The following RHOBTB1 variants were observed in gnomAD, a reference collection of about 807,000 sequenced individuals.
RHOBTB1 encodes the protein rho-related BTB domain-containing protein 1.
Under a neutral mutation model 71.6 loss-of-function variants are expected in RHOBTB1, and 40 were observed. The observed-to-expected ratio is 0.56, with a 90% CI of 0.43 to 0.73. RHOBTB1 has a LOEUF of 0.73. Among genes scored for constraint, RHOBTB1 ranks in the 30% least tolerant of loss-of-function variants. The pLI, the probability that RHOBTB1 is intolerant of heterozygous loss-of-function variation, is 0.00. For synonymous variants in RHOBTB1, 319 were observed against 334.9 expected (o/e 0.95, Z 0.52); for missense variants, 797 against 894.0 (o/e 0.89, Z 1.38).
intron 2 of RHOBTB1, among the ~76,000 whole-genome samples, chr10:60,911,799 T>C (rs1371758966): frequency 2.6e-5 from 4 of 152,198 alleles, no homozygotes; most frequent in Non-Finnish European, 5.9e-5. Flanking sequence ...CGTTAACTGT[T>C]ATTTTCTCCT....
At chr10:60,925,833 T>A (rs895645860) in intron 2 of RHOBTB1, among the ~76,000 whole-genome samples, 8 of 152,144 alleles carry the variant, frequency 5.3e-5, no homozygotes, top group Admixed American at 4.6e-4. Flanking sequence ...TTCCTAGACA[T>A]ATACAGCCTA....
intron 2 of RHOBTB1, among the ~76,000 whole-genome samples, chr10:60,961,702 T>C (rs1343820567): frequency 6.6e-6 from 1 of 152,202 alleles, no homozygotes; most frequent in Admixed American, 6.5e-5. Flanking sequence ...CATTGCTGTA[T>C]ATATGAAAGT....
chr10:60,908,208 C>A (rs1163804430), intron 4 of RHOBTB1, among the ~76,000 whole-genome samples: 1 of 152,162 alleles, frequency 6.6e-6, no homozygotes, highest in East Asian at 1.9e-4. Context: ...CTTGTCCATG[C>A]CAAAGAATGT....
At chr10:60,923,988 T>C (rs994276498) in intron 2 of RHOBTB1, among the ~76,000 whole-genome samples, 4 of 152,062 alleles carry the variant, frequency 2.6e-5, no homozygotes, top group African/African-American at 9.7e-5. Flanking sequence ...CCTGAAGAAC[T>C]GAGGAGCGGA....
At chr10:60,904,596 G>A (rs1564889953) in intron 4 of RHOBTB1, among the ~76,000 whole-genome samples, 1 of 152,132 alleles carries the variant, frequency 6.6e-6, no homozygotes, top group Non-Finnish European at 1.5e-5. Flanking sequence ...CTTCCCTTCT[G>A]GCTGAGGTTT....
chr10:60,996,997 A>G (rs2087074995), intron 1 of RHOBTB1, among the ~76,000 whole-genome samples: 1 of 151,950 alleles, frequency 6.6e-6, no homozygotes, highest in Non-Finnish European at 1.5e-5. Flanking sequence ...TTGTGGTCCA[A>G]TAGAAACATT....
chr10:60,957,541 A>G (rs559611455), intron 2 of RHOBTB1, among the ~76,000 whole-genome samples: 2 of 152,288 alleles, frequency 1.3e-5, no homozygotes, highest in Admixed American at 6.5e-5. Context: ...TGCAGCCACC[A>G]CCAAGCCTTA....
In RHOBTB1 at chr10:60,886,228, C is replaced by T. The variant is rs777547474; in HGVS notation, c.1459G>A (p.Val487Met). ...ECLSKGTFSDVTFKLDDGAIS... is the reference protein window; with the variant it reads ...ECLSKGTFSDMTFKLDDGAIS... Reference sequence around the variant, plus strand: ...GCTCCATCGTCCAATTTAAATGTCACGTCTGCCAAGGGATTGAGGAAACAC... The same window carrying T: ...GCTCCATCGTCCAATTTAAATGTCATGTCTGCCAAGGGATTGAGGAAACAC... The change falls in exon 7 of 11, where the codon GTG becomes ATG. Residue 487 changes from valine (V) to methionine (M), a missense_variant and splice_region_variant. Transcript: ENST00000337910. 5.6e-6 allele frequency: 9 copies of T among 1,612,894 alleles called. No homozygotes were observed. The highest frequency in any genetic ancestry group is 1.6e-4 in the Middle Eastern group (1 of 6,078).
chr10:60,947,664 C>T (rs2085282535), upstream of RHOBTB1, among the ~76,000 whole-genome samples: 1 of 151,938 alleles, frequency 6.6e-6, no homozygotes, highest in African/African-American at 2.4e-5. Flanking sequence ...TAGTTCATTC[C>T]TTATTATTGC....
At chr10:60,965,407 C>T (rs555152830) in intron 2 of RHOBTB1, among the ~76,000 whole-genome samples, 164 of 152,040 alleles carry the variant, frequency 1.1e-3, no homozygotes, top group African/African-American at 3.9e-3. Flanking sequence ...GAAAAAAATG[C>T]TTTGGCAATT....
intron 2 of RHOBTB1, among the ~76,000 whole-genome samples, chr10:60,955,969 G>A (rs548280687): frequency 6.6e-6 from 1 of 152,050 alleles, no homozygotes; most frequent in Non-Finnish European, 1.5e-5. Context: ...ATCACAGTGG[G>A]CCTCATTTGT....
intron 2 of RHOBTB1, among the ~76,000 whole-genome samples, chr10:60,952,423 G>T (rs1420672398): frequency 1.3e-5 from 2 of 152,162 alleles, no homozygotes; most frequent in African/African-American, 4.8e-5. Context: ...TATGTGTTGG[G>T]CATGAAGCCA....
intron 2 of RHOBTB1, chr10:60,912,848 T>C (rs999453284): frequency 1.3e-5 from 2 of 152,212 alleles, no homozygotes; most frequent in African/African-American, 4.8e-5. Context: ...TAATTGTAAT[T>C]GCCTTTTTGA....
intron 2 of RHOBTB1, among the ~76,000 whole-genome samples, chr10:60,966,814 T>C (rs1004679414): frequency 6.6e-6 from 1 of 151,476 alleles, no homozygotes; most frequent in Non-Finnish European, 1.5e-5. Flanking sequence ...ATTAGGTACA[T>C]CTCCTAATGC....
At chr10:60,905,182 A>G (rs186761723) in intron 4 of RHOBTB1, among the ~76,000 whole-genome samples, 1 of 151,794 alleles carries the variant, frequency 6.6e-6, no homozygotes, top group East Asian at 1.9e-4. Context: ...TGGGCATGGT[A>G]GCTCATGCCT....
At chr10:60,950,235 T>C (rs771800287) in intron 2 of RHOBTB1, among the ~76,000 whole-genome samples, 10 of 152,216 alleles carry the variant, frequency 6.6e-5, no homozygotes, top group Non-Finnish European at 1.5e-4. Flanking sequence ...ATTTAATGTA[T>C]AATGTGTATC....
intron 2 of RHOBTB1, among the ~76,000 whole-genome samples, chr10:60,925,399 C>T (rs2083810021): frequency 1.3e-5 from 2 of 152,004 alleles, no homozygotes; most frequent in Non-Finnish European, 2.9e-5. Context: ...AATACAAACA[C>T]AACATTCCAA....
intron 4 of RHOBTB1, among the ~76,000 whole-genome samples, chr10:60,903,657 AACAGGCCCCTGGGTCAG>A (rs1249502316): frequency 1.3e-5 from 2 of 152,072 alleles, no homozygotes; most frequent in Non-Finnish European, 2.9e-5. Flanking sequence ...CAGGCTGAGA[AACAGGCCCCTGGGTCAG>A]ACTATGGGCC....
At chr10:60,984,689 T>C (rs896117907) in intron 2 of RHOBTB1, among the ~76,000 whole-genome samples, 1 of 152,184 alleles carries the variant, frequency 6.6e-6, no homozygotes, top group Non-Finnish European at 1.5e-5. Context: ...CATGGTAATA[T>C]CTCATTAATT....
Sources: allele counts gnomAD v4.1 joint callset (sites outside exome capture counted in the v4.1 genomes callset), GRCh38; gene constraint gnomAD v4.1.1; transcripts MANE v1.5; gene names NCBI Gene and HGNC (gene_info 2026-07-23, HGNC 2026-07-21).